Variants in NOL10 observed in about 807,000 individuals in gnomAD.
NOL10 encodes nucleolar protein 10, also known as H_NH0074G24.1.
In NOL10, 58 loss-of-function variants were observed where a neutral mutation model predicts 103.5. That is an observed-to-expected ratio of 0.56 (90% CI 0.45 to 0.70). NOL10 has a LOEUF of 0.70. NOL10 is among the 30% of genes least tolerant of loss of function. The probability of loss-of-function intolerance (pLI) is 0.00; values close to 1 mark genes in which losing one functional copy is unlikely to be tolerated. For missense variants in NOL10, 763 were observed against 807.3 expected, an observed-to-expected ratio of 0.95 and a Z score of 0.67; for synonymous variants, 287 against 282.5, an observed-to-expected ratio of 1.02 and a Z score of -0.16.
intron 20 of NOL10, among the ~76,000 whole-genome samples, chr2:10,573,350 C>T (rs930323379): frequency 6.6e-6 from 1 of 152,152 alleles, no homozygotes; most frequent in Non-Finnish European, 1.5e-5. Flanking sequence ...CCCGCCACCA[C>T]GCCCGGCTAA....
intron 10 of NOL10, among the ~76,000 whole-genome samples, chr2:10,658,847 G>C (rs774600405): frequency 1.8e-4 from 28 of 152,304 alleles, no homozygotes; most frequent in Non-Finnish European, 3.1e-4. Context: ...TGAGGCCAAG[G>C]GTGGGGGGAT....
chr2:10,613,945 G>GT (rs1676703322), intron 13 of NOL10, among the ~76,000 whole-genome samples: 1 of 145,574 alleles, frequency 6.9e-6, no homozygotes, highest in Admixed American at 7.0e-5. Flanking sequence ...GAGGTAGAGG[G>GT]TTTTTATCCC....
chr2:10,619,644 TA>T (rs76265500), intron 13 of NOL10, among the ~76,000 whole-genome samples: 34 of 151,948 alleles, frequency 2.2e-4, no homozygotes, highest in Non-Finnish European at 3.5e-4. Flanking sequence ...TTAAATAGCA[TA>T]AAAAAATCCT....
chr2:10,580,184 T>C (rs944272928), intron 19 of NOL10, among the ~76,000 whole-genome samples: 5 of 152,250 alleles, frequency 3.3e-5, no homozygotes, highest in South Asian at 2.1e-4. Flanking sequence ...TGAGTGTGAC[T>C]TCGGTCAGAG....
intron 3 of NOL10, among the ~76,000 whole-genome samples, chr2:10,679,535 A>C (rs2148358247): frequency 6.6e-6 from 1 of 152,230 alleles, no homozygotes; most frequent in South Asian, 2.1e-4. Context: ...CAGTCTCACT[A>C]CCATGTTTCA....
In NOL10 at chr2:10,587,206, C is replaced by T. The variant is rs796734016; in HGVS notation, c.1844+1837G>A. Among the ~76,000 whole-genome samples, 13 of 32,378 alleles carry T rather than the reference C, an allele frequency of 4.0e-4. 3 individuals are homozygous for T. Among genetic ancestry groups the T allele is most frequent in the African/African-American group, 2.4e-3 (9 of 3,736 alleles). 21.2% of individuals were successfully genotyped at this position (32,378 alleles called of 152,430 possible). Reference sequence around the variant, plus strand: ...ACATATATATACACATATATATACACATATATATATACATATATATACATA... The same window carrying T: ...ACATATATATACACATATATATACATATATATATATACATATATATACATA... On this transcript the variant is annotated intron_variant, in intron 19 of 20. Transcript: ENST00000381685.
At chr2:10,674,323 C>T (rs1452474742) in intron 4 of NOL10, among the ~76,000 whole-genome samples, 1 of 152,098 alleles carries the variant, frequency 6.6e-6, no homozygotes, top group Non-Finnish European at 1.5e-5. Context: ...TCCCCTCAAT[C>T]CCAAATTCTA....
At chr2:10,577,790 A>G (rs921972397) in intron 19 of NOL10, 52 bp from the exon 20 acceptor site, 1 of 1,203,112 alleles carries the variant, frequency 8.3e-7, no homozygotes, top group African/African-American at 1.5e-5. Context: ...GTTTTAATTT[A>G]CCATTTGAAA....
Position 10,678,172 on chromosome 2 carries a change from G to GT in NOL10, c.212-2302dup, listed in dbSNP as rs1247744627. On this transcript the variant is annotated intron_variant, in intron 3 of 20. Coordinates refer to ENST00000381685, the MANE Select transcript of NOL10 (RefSeq NM_024894.4). ...CAGGCAATCCTCCTGCCTCTGCCTC[G>GT]TGAGTAGCTGACACTACAGGTGCAC... Among the ~76,000 whole-genome samples the GT allele has an allele frequency of 2.4e-4, 37 of 151,626 alleles. 1 individual carries two copies. The highest frequency in any genetic ancestry group is 1.6e-4 in the Non-Finnish European group (11 of 67,932).
At chr2:10,657,059 C>T (rs890110359) in intron 11 of NOL10, among the ~76,000 whole-genome samples, 18 of 152,146 alleles carry the variant, frequency 1.2e-4, no homozygotes, top group African/African-American at 4.3e-4. Context: ...TGGCTCACGC[C>T]TGTAATCCCA....
chr2:10,676,638 CTTTTT>C (rs1281732474), intron 3 of NOL10, among the ~76,000 whole-genome samples: 1 of 135,336 alleles, frequency 7.4e-6, no homozygotes, highest in African/African-American at 2.7e-5. Flanking sequence ...GGCACTTTGT[CTTTTT>C]TTTTTTTTTT....
chr2:10,588,150 C>G (rs1457125880), intron 19 of NOL10, among the ~76,000 whole-genome samples: 6 of 152,208 alleles, frequency 3.9e-5, no homozygotes, highest in African/African-American at 1.4e-4. Flanking sequence ...GTTCCTGACT[C>G]AGACTCCTGA....
chr2:10,645,710 T>C (rs1310025661), intron 12 of NOL10, among the ~76,000 whole-genome samples: 35 of 151,960 alleles, frequency 2.3e-4, no homozygotes, highest in Admixed American at 2.3e-3. Flanking sequence ...TTTTGTATTT[T>C]TAGTGGAGGG....
intron 13 of NOL10, among the ~76,000 whole-genome samples, chr2:10,614,662 G>A (rs1160274399): frequency 7.2e-5 from 11 of 151,998 alleles, no homozygotes; most frequent in Admixed American, 2.0e-4. Context: ...GTCCAGTCAG[G>A]GTTTACCACA....
intron 11 of NOL10, among the ~76,000 whole-genome samples, chr2:10,657,415 C>T (rs748747438): frequency 2.6e-5 from 4 of 152,118 alleles, no homozygotes; most frequent in African/African-American, 7.2e-5. Flanking sequence ...TTTCCTACAC[C>T]TGTGAGGGAA....
chr2:10,586,451 G>A (rs1675025618), intron 19 of NOL10, among the ~76,000 whole-genome samples: 1 of 152,192 alleles, frequency 6.6e-6, no homozygotes, highest in South Asian at 2.1e-4. Context: ...CAAGAAAGTG[G>A]TTATTTTAAA....
intron 13 of NOL10, among the ~76,000 whole-genome samples, chr2:10,614,764 A>G (rs1486161283): frequency 6.6e-6 from 1 of 152,242 alleles, no homozygotes; most frequent in Admixed American, 6.5e-5. Context: ...CACACTATAC[A>G]TAGCTACATA....
chr2:10,684,745 T>G, intron 1 of NOL10, 133 bp from the exon 2 acceptor site: 1 of 642,834 alleles, frequency 1.6e-6, no homozygotes, highest in Non-Finnish European at 2.7e-6. Flanking sequence ...GCAAAAAATA[T>G]TCTCTAATCC....
At chr2:10,587,274 TA>T (rs200898685) in intron 19 of NOL10, among the ~76,000 whole-genome samples, 1,416 of 42,148 alleles carry the variant, frequency 0.034, 465 homozygotes, top group East Asian at 0.22. Flanking sequence ...TATATATATA[TA>T]TTTTTTTTTT....
Sources: allele counts gnomAD v4.1 joint callset (sites outside exome capture counted in the v4.1 genomes callset), GRCh38; gene constraint gnomAD v4.1.1; transcripts MANE v1.5; gene names NCBI Gene and HGNC (gene_info 2026-07-23, HGNC 2026-07-21).